The following LRRC28 variants were observed in gnomAD, a reference collection of about 807,000 sequenced individuals.
The protein encoded by LRRC28 is leucine-rich repeat-containing protein 28.
A neutral mutation model predicts 45.7 loss-of-function variants in LRRC28; 39 were observed. The observed-to-expected ratio is 0.85, with a 90% confidence interval of 0.66 to 1.12. LRRC28 has a LOEUF of 1.12. LRRC28 is among the 50% of genes most tolerant of loss of function. The pLI is 0.00. For missense variants in LRRC28, 435 were observed against 438.5 expected, an observed-to-expected ratio of 0.99 and a Z score of 0.07; for synonymous variants, 206 against 178.8, an observed-to-expected ratio of 1.15 and a Z score of -1.22.
At chr15:99,339,984 TATAA>T (rs909178163) in intron 6 of LRRC28, among the ~76,000 whole-genome samples, 2 of 152,234 alleles carry the variant, frequency 1.3e-5, no homozygotes, top group South Asian at 2.1e-4. Flanking sequence ...AAATATCAAA[TATAA>T]ATAGATTTTT....
At chr15:99,371,038 A>G (rs749033270) in intron 9 of LRRC28, among the ~76,000 whole-genome samples, 26 of 152,194 alleles carry the variant, frequency 1.7e-4, no homozygotes, top group Admixed American at 2.6e-4. Context: ...CCTGGGAGAC[A>G]GAGGTTGCAG....
At position 99,337,166 on chromosome 15, in the gene LRRC28, A is replaced by T. The variant is rs1010173637; in HGVS notation, c.592+3037A>T. Among the ~76,000 whole-genome samples the T allele has an allele frequency of 9.2e-5, 14 of 152,232 alleles. No homozygotes were observed. The South Asian group carries it at 2.9e-3, about 32-fold the overall frequency. On this transcript the variant is annotated intron_variant, in intron 6 of 9. Transcript: ENST00000301981. ...GCCCTGGCTCCTCATTCCCCTAGTCATTGGCCACTCATTCCTGCCTTTCTT... is the reference window on the plus strand; with the variant it reads ...GCCCTGGCTCCTCATTCCCCTAGTCTTTGGCCACTCATTCCTGCCTTTCTT...
In LRRC28 at chr15:99,389,084, G is replaced by A. The variant is rs1302750767; in HGVS notation, c.*2982G>A. ...CCTATTCAAAAGAACCCTGGCTTGG[G>A]TGGAGGATCCACTCTGGCTAACGGA... On this transcript the variant is annotated 3_prime_UTR_variant, in exon 10 of 10. Transcript: ENST00000301981. The A allele has an allele frequency of 6.6e-6, 1 of 152,166 alleles. No individual in the cohort carries two copies. Among genetic ancestry groups the A allele is most frequent in the African/African-American group, 2.4e-5 (1 of 41,424 alleles). 9.4% of individuals were successfully genotyped at this position (152,166 alleles called of 1,614,324 possible).
intron 1 of LRRC28, among the ~76,000 whole-genome samples, chr15:99,255,384 A>G (rs2080986260): frequency 6.6e-6 from 1 of 152,074 alleles, no homozygotes; most frequent in South Asian, 2.1e-4. Flanking sequence ...AAAGAAAAGA[A>G]TAAAGAGATA....
intron 9 of LRRC28, among the ~76,000 whole-genome samples, chr15:99,366,740 G>A (rs1169403271): frequency 6.6e-6 from 1 of 151,934 alleles, no homozygotes; most frequent in Non-Finnish European, 1.5e-5. Context: ...GGGGGTTTGG[G>A]CTTCAACATA....
At chr15:99,315,065 C>G (rs1002081380) in intron 5 of LRRC28, among the ~76,000 whole-genome samples, 2 of 151,890 alleles carry the variant, frequency 1.3e-5, no homozygotes, top group Non-Finnish European at 2.9e-5. Flanking sequence ...ATAGTAAAAG[C>G]TAGAAAATGT....
Position 99,284,772 on chromosome 15 carries a change from G to A in LRRC28, c.210-2485G>A. 6.2e-5 allele frequency: 33 copies of A among 531,138 alleles called. 2 individuals are homozygous for A. The highest frequency in any genetic ancestry group is 4.6e-4 in the South Asian group (33 of 72,270). 32.9% of individuals were successfully genotyped at this position (531,138 alleles called of 1,614,324 possible). A position where few individuals can be genotyped will look rare whatever the true frequency, so the allele number is the denominator to read the frequency against. On this transcript the variant is annotated intron_variant, in intron 3 of 9. Transcript: ENST00000301981. ...TCCCTTCATGGGTTCAAAATTTGAAGACTGACTATTGCAATTGTCAAAATC... is the reference window on the plus strand; with the variant it reads ...TCCCTTCATGGGTTCAAAATTTGAAAACTGACTATTGCAATTGTCAAAATC...
chr15:99,290,622 A>C (rs570418561), intron 5 of LRRC28, among the ~76,000 whole-genome samples: 1 of 152,282 alleles, frequency 6.6e-6, no homozygotes, highest in South Asian at 2.1e-4. Flanking sequence ...TGTATTTATG[A>C]ACTTTTTTTT....
intron 7 of LRRC28, among the ~76,000 whole-genome samples, chr15:99,360,534 C>T (rs1298864098): frequency 6.6e-6 from 1 of 152,114 alleles, no homozygotes; most frequent in Non-Finnish European, 1.5e-5. Context: ...ATAAATGAAT[C>T]AAGGGCTTCT....
At position 99,251,503 on chromosome 15, in the gene LRRC28, C is replaced by G. The variant is rs1007127004; in HGVS notation, c.-99C>G. The G allele has an allele frequency of 1.3e-5, 2 of 152,356 alleles. No homozygotes were observed. The highest frequency in any genetic ancestry group is 4.8e-5 in the African/African-American group (2 of 41,416). 9.4% of individuals were successfully genotyped at this position (152,356 alleles called of 1,614,324 possible). On this transcript the variant is annotated 5_prime_UTR_variant, in exon 1 of 10. Coordinates refer to ENST00000301981, the MANE Select transcript of LRRC28 (RefSeq NM_144598.5). ...GCCGTCCCCCGCTTGGCTTCCAGCG[C>G]CGCTTGCGCTCCGGAGCGCTGGCTC...
intron 2 of LRRC28, among the ~76,000 whole-genome samples, chr15:99,276,113 C>T (rs1450902991): frequency 1.3e-5 from 2 of 151,942 alleles, no homozygotes. Context: ...CGATCTGTCA[C>T]AGTCTCCCGT....
At chr15:99,300,352 A>G (rs995233367) in intron 5 of LRRC28, among the ~76,000 whole-genome samples, 2 of 152,034 alleles carry the variant, frequency 1.3e-5, no homozygotes, top group African/African-American at 4.8e-5. Flanking sequence ...ACCTAGTTTT[A>G]AAATATAAAT....
chr15:99,306,064 C>T (rs1008411245), intron 5 of LRRC28, among the ~76,000 whole-genome samples: 9 of 152,138 alleles, frequency 5.9e-5, no homozygotes, highest in Non-Finnish European at 1.2e-4. Context: ...TTAATTATTT[C>T]TTAGTATTGC....
At chr15:99,260,747 G>GT (rs1166437689) in intron 2 of LRRC28, among the ~76,000 whole-genome samples, 1 of 152,222 alleles carries the variant, frequency 6.6e-6, no homozygotes, top group African/African-American at 2.4e-5. Context: ...AAGGAGAGTA[G>GT]TATGTGGAAT....
At chr15:99,252,433 A>C (rs189429370) in intron 1 of LRRC28, among the ~76,000 whole-genome samples, 1 of 152,340 alleles carries the variant, frequency 6.6e-6, no homozygotes, top group Non-Finnish European at 1.5e-5. Context: ...TCCCAGCCAG[A>C]ACATTCAGAA....
At chr15:99,332,681 T>C (rs1956198257) in intron 5 of LRRC28, among the ~76,000 whole-genome samples, 1 of 152,188 alleles carries the variant, frequency 6.6e-6, no homozygotes, top group African/African-American at 2.4e-5. Context: ...GAGCAGGCCA[T>C]GGGCTAGATT....
At chr15:99,377,896 G>A (rs1215903890) in intron 9 of LRRC28, among the ~76,000 whole-genome samples, 1 of 152,078 alleles carries the variant, frequency 6.6e-6, no homozygotes, top group Non-Finnish European at 1.5e-5. Flanking sequence ...TGTTCCATTG[G>A]TCTATAGCTC....
chr15:99,290,396 G>GTATATCATAC (rs2082091206), intron 5 of LRRC28, among the ~76,000 whole-genome samples: 3 of 152,006 alleles, frequency 2.0e-5, no homozygotes, highest in Non-Finnish European at 4.4e-5. Flanking sequence ...CACAATACAG[G>GTATATCATAC]AATATGGTCT....
intron 5 of LRRC28, among the ~76,000 whole-genome samples, chr15:99,290,624 C>CT (rs934311817): frequency 3.9e-5 from 6 of 151,912 alleles, no homozygotes; most frequent in Non-Finnish European, 8.8e-5. Flanking sequence ...TATTTATGAA[C>CT]TTTTTTTTAC....
Sources: gnomAD v4.1 joint callset for allele counts (sites outside exome capture counted in the v4.1 genomes callset) on GRCh38, gnomAD v4.1.1 for gene constraint, MANE v1.5 for transcripts, NCBI Gene and HGNC (gene_info 2026-07-23, HGNC 2026-07-21) for gene names.